CHP1: variants seen among roughly 807,000 people sequenced by gnomAD.
CHP1 encodes the protein calcineurin B homologous protein 1.
A neutral mutation model predicts 27.4 loss-of-function variants in CHP1; 11 were observed. That is an observed-to-expected ratio of 0.40 (90% confidence interval 0.25 to 0.67). The LOEUF is 0.67. CHP1 is among the 30% of genes least tolerant of loss of function. The pLI, the probability that CHP1 is intolerant of heterozygous loss-of-function variation, is 0.38. For missense variants in CHP1, 169 were observed against 251.3 expected, an observed-to-expected ratio of 0.67 and a Z score of 2.22; for synonymous variants, 89 against 87.4, an observed-to-expected ratio of 1.02 and a Z score of -0.10.
chr15:41,246,837 G>A (rs913795536), intron 2 of CHP1, among the ~76,000 whole-genome samples: 2 of 150,782 alleles, frequency 1.3e-5, no homozygotes, highest in Non-Finnish European at 3.0e-5. Context: ...CCTGGGAGGC[G>A]AGATCACGCT....
chr15:41,233,969 A>G (rs1188114934), intron 1 of CHP1, among the ~76,000 whole-genome samples: 1 of 151,752 alleles, frequency 6.6e-6, no homozygotes, highest in Non-Finnish European at 1.5e-5. Flanking sequence ...TATTTTAGAG[A>G]CAGGGTCTTT....
chr15:41,247,869 T>C (rs1242140329), intron 2 of CHP1, among the ~76,000 whole-genome samples: 1 of 151,486 alleles, frequency 6.6e-6, no homozygotes, highest in East Asian at 1.9e-4. Context: ...CTCGGGAGGC[T>C]GAGGCAGGAG....
intron 5 of CHP1, among the ~76,000 whole-genome samples, chr15:41,271,419 A>T (rs75900035): frequency 0.11 from 16,186 of 152,024 alleles, 1,166 homozygotes; most frequent in East Asian, 0.21. Context: ...CAAGAGTGAA[A>T]CTCCATCCCA....
chr15:41,237,232 C>T (rs1268920244), intron 1 of CHP1, among the ~76,000 whole-genome samples: 8 of 148,658 alleles, frequency 5.4e-5, no homozygotes, highest in Non-Finnish European at 9.0e-5. Context: ...CTGCAACCTC[C>T]GCCTCCTGGC....
intron 2 of CHP1, among the ~76,000 whole-genome samples, chr15:41,246,908 G>C (rs1049880116): frequency 5.3e-5 from 8 of 150,824 alleles, no homozygotes; most frequent in African/African-American, 1.7e-4. Flanking sequence ...AAAAAAGCCC[G>C]GGTGTGGTGG....
rs544658200 is a variant in CHP1 at position 41,265,363 on chromosome 15, C to CAAA, written c.349+2510_349+2512dup. Among the ~76,000 whole-genome samples, 88 of 36,928 alleles carry CAAA rather than the reference C, an allele frequency of 2.4e-3. 1 individual carries two copies. Among genetic ancestry groups the CAAA allele is most frequent in the East Asian group, 5.1e-3 (4 of 792 alleles). 24.2% of individuals were successfully genotyped at this position (36,928 alleles called of 152,430 possible). On this transcript the variant is annotated intron_variant, in intron 4 of 6. Coordinates refer to ENST00000334660, the MANE Select transcript of CHP1 (RefSeq NM_007236.5). ...TGGGTGATAGAGCGAGACTCTGTCTCAAAAAAAAAAAAAAAAAAAAAAAAA... is the reference window on the plus strand; with the variant it reads ...TGGGTGATAGAGCGAGACTCTGTCTCAAAAAAAAAAAAAAAAAAAAAAAAAAAA...
intron 5 of CHP1, among the ~76,000 whole-genome samples, chr15:41,277,882 C>T (rs991028642): frequency 9.3e-5 from 14 of 151,068 alleles, no homozygotes; most frequent in African/African-American, 3.2e-4. Context: ...ACTTGAGCTT[C>T]GGAGGTGAGG....
intron 4 of CHP1, among the ~76,000 whole-genome samples, chr15:41,266,931 C>T (rs1174519603): frequency 1.3e-5 from 2 of 151,646 alleles, no homozygotes; most frequent in Admixed American, 1.3e-4. Context: ...ACCCAGGAGG[C>T]GGAGGTTGCA....
rs762480420 is a variant in CHP1, at chr15:41,243,742, A to G, written c.140+3A>G. On this transcript the variant is annotated splice_donor_region_variant and intron_variant, in intron 2 of 6. Transcript: ENST00000334660. The stretch of plus-strand genomic sequence containing the variant: ...AAAGGAGAGAATGGGACTCTCAGGT[A>G]GGCAGTGTTTTTCTTTATTTTCCTC... The G allele has an allele frequency of 2.7e-5, 43 of 1,613,522 alleles. No homozygotes were observed. Among genetic ancestry groups the G allele is most frequent in the South Asian group, 1.9e-4 (17 of 91,062 alleles).
chr15:41,231,436 G>T lies in CHP1; in HGVS notation c.54G>T (p.Lys18Asn). 6.2e-7 allele frequency: 1 copy of T among 1,603,222 alleles called. No individual in the cohort carries two copies. The highest frequency in any genetic ancestry group is 8.5e-7 in the Non-Finnish European group (1 of 1,176,080). Reference sequence around the variant, plus strand: ...GGGACGAAGAGCTCGAGGAGATCAAGAAGGAGACCGGCTGTGAGTTCGGGT... The same window carrying T: ...GGGACGAAGAGCTCGAGGAGATCAATAAGGAGACCGGCTGTGAGTTCGGGT... ...LLRDEELEEI[K>N]KETGFSHSQI... The change falls in exon 1 of 7, where the codon AAG (lysine) becomes AAT (asparagine). Residue 18 changes from lysine (K) to asparagine (N), a missense_variant. Coordinates refer to ENST00000334660, the MANE Select transcript of CHP1 (RefSeq NM_007236.5).
chr15:41,233,317 T>C (rs771326436), intron 1 of CHP1, among the ~76,000 whole-genome samples: 1 of 152,076 alleles, frequency 6.6e-6, no homozygotes, highest in African/African-American at 2.4e-5. Context: ...GTGTAAACCA[T>C]AGTGAAGATG....
At chr15:41,258,400 T>C (rs2047413872) in intron 3 of CHP1, among the ~76,000 whole-genome samples, 1 of 152,220 alleles carries the variant, frequency 6.6e-6, no homozygotes, top group Non-Finnish European at 1.5e-5. Flanking sequence ...TATTCTAATT[T>C]ATATTCATAT....
intron 1 of CHP1, among the ~76,000 whole-genome samples, chr15:41,234,956 T>G (rs1299522773): frequency 6.6e-6 from 1 of 152,190 alleles, no homozygotes; most frequent in Non-Finnish European, 1.5e-5. Context: ...GTTTTGCCAA[T>G]TATAAGGAAA....
intron 4 of CHP1, chr15:41,264,193 G>T (rs1555421077): frequency 2.6e-5 from 33 of 1,286,090 alleles, no homozygotes; most frequent in Non-Finnish European, 3.0e-5. Flanking sequence ...TATAGAGAGA[G>T]ATCGAGACTG....
intron 2 of CHP1, among the ~76,000 whole-genome samples, chr15:41,249,462 CTTTTTTTTTTTTTTTT>C (rs1163537727): frequency 8.8e-4 from 69 of 78,480 alleles, no homozygotes; most frequent in Non-Finnish European, 3.7e-4. Context: ...CCTTCACCTT[CTTTTTTTTTTTTTTTT>C]TTTTTTTTTT....
chr15:41,247,597 G>A (rs1475964756), intron 2 of CHP1, among the ~76,000 whole-genome samples: 7 of 152,160 alleles, frequency 4.6e-5, no homozygotes, highest in Admixed American at 6.5e-5. Context: ...ACTTGAACCC[G>A]GGAGGTGGAG....
intron 1 of CHP1, among the ~76,000 whole-genome samples, chr15:41,237,251 A>T (rs1259558740): frequency 6.7e-6 from 1 of 150,240 alleles, no homozygotes; most frequent in East Asian, 2.0e-4. Context: ...GCTTCAAATG[A>T]TTCTCCTGCC....
intron 2 of CHP1, among the ~76,000 whole-genome samples, chr15:41,246,133 A>G (rs2047333258): frequency 6.6e-6 from 1 of 152,102 alleles, no homozygotes; most frequent in Non-Finnish European, 1.5e-5. Context: ...TTTAGCTCCA[A>G]TACTTAAAAA....
intron 2 of CHP1, among the ~76,000 whole-genome samples, chr15:41,245,658 A>G (rs947282415): frequency 6.6e-6 from 1 of 152,188 alleles, no homozygotes; most frequent in African/African-American, 2.4e-5. Context: ...CCTTTTGAGT[A>G]TTGCAAATAG....
Sources: gnomAD v4.1 joint callset for allele counts (sites outside exome capture counted in the v4.1 genomes callset) on GRCh38, gnomAD v4.1.1 for gene constraint, MANE v1.5 for transcripts, NCBI Gene and HGNC (gene_info 2026-07-23, HGNC 2026-07-21) for gene names.